The following EPHB2 variants were observed in gnomAD, a reference collection of about 807,000 sequenced individuals.
EPHB2 encodes ephrin type-B receptor 2.
EPHB2 carries 18 observed loss-of-function variants against 96.4 expected under a neutral mutation model. The ratio of observed to expected loss-of-function variants is 0.19; its 90% CI spans 0.13 to 0.28. EPHB2 has a LOEUF of 0.28. Among genes scored for constraint, EPHB2 ranks in the 10% least tolerant of loss-of-function variants. The probability of loss-of-function intolerance (pLI) is 1.00; values close to 1 mark genes in which losing one functional copy is unlikely to be tolerated. For missense variants in EPHB2, 989 were observed against 1,355.4 expected (o/e 0.73, Z 4.25); for synonymous variants, 506 against 534.1 (o/e 0.95, Z 0.72).
intron 1 of EPHB2, among the ~76,000 whole-genome samples, chr1:22,745,355 A>G (rs1377561672): frequency 6.6e-6 from 1 of 152,182 alleles, no homozygotes; most frequent in Non-Finnish European, 1.5e-5. Flanking sequence ...AACAATACAT[A>G]CCCGACTGGT....
intron 1 of EPHB2, among the ~76,000 whole-genome samples, chr1:22,744,444 T>C (rs1247020059): frequency 2.0e-5 from 3 of 148,768 alleles, no homozygotes; most frequent in Non-Finnish European, 3.0e-5. Context: ...TATATATATG[T>C]TATATATTTT....
At chr1:22,911,174 ATAAATAAT>A (rs1166114768) in intron 14 of EPHB2, among the ~76,000 whole-genome samples, 12 of 151,482 alleles carry the variant, frequency 7.9e-5, no homozygotes, top group African/African-American at 2.9e-4. Context: ...AAATAAATAA[ATAAATAAT>A]TACCAAAGGA....
rs1346182339 is a variant in EPHB2 at position 22,790,048 on chromosome 1, G to A, written c.811+4972G>A. Among the ~76,000 whole-genome samples, 1 of 152,074 alleles carries A rather than the reference G, an allele frequency of 6.6e-6. No individual in the cohort carries two copies. Among genetic ancestry groups the A allele is most frequent in the Non-Finnish European group, 1.5e-5 (1 of 68,006 alleles). Reference sequence around the variant, plus strand: ...CAGGCAAAGTGCTTTGAGAATATGAGGAAAAAGCCATCTTGTATGACTGGG... The same window carrying A: ...CAGGCAAAGTGCTTTGAGAATATGAAGAAAAAGCCATCTTGTATGACTGGG... On this transcript the variant is annotated intron_variant, in intron 3 of 15. Coordinates refer to ENST00000374630, the MANE Select transcript of EPHB2 (RefSeq NM_017449.5). The surrounding 1 kb of genome is among the most constrained non-coding windows in gnomAD (Gnocchi z 4.0).
chr1:22,878,588 C>T (rs1638922482), intron 5 of EPHB2, among the ~76,000 whole-genome samples: 1 of 152,270 alleles, frequency 6.6e-6, no homozygotes, highest in African/African-American at 2.4e-5. Context: ...CCACTCAGAC[C>T]TTCACATGCA....
chr1:22,731,511 T>C (rs961469966), intron 1 of EPHB2, among the ~76,000 whole-genome samples: 1 of 152,160 alleles, frequency 6.6e-6, no homozygotes, highest in African/African-American at 2.4e-5. Flanking sequence ...GTCCTTACCT[T>C]AGTAGGTGGC....
At chr1:22,753,154 T>C (rs977590446) in intron 1 of EPHB2, among the ~76,000 whole-genome samples, 1 of 152,088 alleles carries the variant, frequency 6.6e-6, no homozygotes, top group Non-Finnish European at 1.5e-5. Flanking sequence ...TTAGGCATTG[T>C]GGTATGGAAG....
At position 22,912,519 on chromosome 1, in the gene EPHB2, C is replaced by CA; in HGVS notation, c.2773dup (p.Ile925AsnfsTer19). On this transcript the variant is annotated frameshift_variant, in exon 15 of 16. Transcript: ENST00000374630. LOFTEE classifies it high-confidence loss of function. The stretch of plus-strand genomic sequence containing the variant: ...ACACGGTGGACGAGTGGCTGGAGGC[C>CA]ATCAAGATGGGGCAGTACAAGGAGA... The CA allele has an allele frequency of 6.2e-7, 1 of 1,614,144 alleles. No individual in the cohort carries two copies. Among genetic ancestry groups the CA allele is most frequent in the Non-Finnish European group, 8.5e-7 (1 of 1,180,034 alleles).
intron 1 of EPHB2, among the ~76,000 whole-genome samples, chr1:22,727,708 A>G (rs1643612041): frequency 1.3e-5 from 2 of 149,160 alleles, no homozygotes; most frequent in Non-Finnish European, 3.0e-5. Context: ...TCCCTTTTCT[A>G]GCTGTGGAGG....
chr1:22,785,847 A>C (rs1279571294), intron 3 of EPHB2, among the ~76,000 whole-genome samples: 1 of 152,232 alleles, frequency 6.6e-6, no homozygotes. Context: ...GACTTAATTC[A>C]TTTAATCCTC....
Position 22,921,424 on chromosome 1 carries a change from G to C in EPHB2, c.*7854G>C, listed in dbSNP as rs906661380. On this transcript the variant is annotated 3_prime_UTR_variant, in exon 16 of 16. Transcript: ENST00000374630. ...TGTGTCCAAGATCAACCCTGACCCT[G>C]TTACTCCAATGCCTTTGTAGGAGTA... 6.6e-6 allele frequency: 1 copy of C among 152,206 alleles called. No homozygotes were observed. Among genetic ancestry groups the C allele is most frequent in the Non-Finnish European group, 1.5e-5 (1 of 68,034 alleles). The allele number at this position is 152,206 out of a possible 1,614,324, so 9.4% of individuals were successfully genotyped here.
chr1:22,747,903 A>G (rs1397930661), intron 1 of EPHB2, among the ~76,000 whole-genome samples: 1 of 152,230 alleles, frequency 6.6e-6, no homozygotes, highest in Non-Finnish European at 1.5e-5. Context: ...TCTGTGCCTC[A>G]GTTACTTCAT....
intron 1 of EPHB2, among the ~76,000 whole-genome samples, chr1:22,756,660 G>A (rs1303721984): frequency 1.3e-5 from 2 of 152,090 alleles, no homozygotes; most frequent in Non-Finnish European, 2.9e-5. Flanking sequence ...CCATGGACCT[G>A]CGCTGACCCC....
intron 3 of EPHB2, among the ~76,000 whole-genome samples, chr1:22,794,686 G>A (rs1644742522): frequency 6.6e-6 from 1 of 152,114 alleles, no homozygotes; most frequent in Non-Finnish European, 1.5e-5. Context: ...GGAAATTGAG[G>A]GGAAAAGTCC....
chr1:22,804,019 A>T (rs1644888558), intron 3 of EPHB2, among the ~76,000 whole-genome samples: 1 of 152,138 alleles, frequency 6.6e-6, no homozygotes, highest in African/African-American at 2.4e-5. Context: ...CACATTCCAT[A>T]CACATCTTCA....
intron 1 of EPHB2, among the ~76,000 whole-genome samples, chr1:22,720,691 C>T (rs934792485): frequency 4.8e-5 from 7 of 146,338 alleles, no homozygotes; most frequent in Non-Finnish European, 6.0e-5. Flanking sequence ...CACTTACCCC[C>T]GAATTGTCTT....
chr1:22,760,252 G>T (rs1431497100), intron 1 of EPHB2, among the ~76,000 whole-genome samples: 2 of 152,072 alleles, frequency 1.3e-5, no homozygotes, highest in Non-Finnish European at 2.9e-5. Context: ...GAGGCTCACA[G>T]AAAATGGGGC....
At chr1:22,876,539 C>T (rs1163538232) in intron 5 of EPHB2, among the ~76,000 whole-genome samples, 6 of 152,174 alleles carry the variant, frequency 3.9e-5, no homozygotes, top group Admixed American at 6.5e-5. Flanking sequence ...CCCGCCTGGC[C>T]GGCCTCCCCC....
In EPHB2 at chr1:22,913,960, G is replaced by A. The variant is rs1039875618; in HGVS notation, c.*390G>A. 1.2e-5 allele frequency: 18 copies of A among 1,445,068 alleles called. No homozygotes were observed. Among genetic ancestry groups the A allele is most frequent in the Non-Finnish European group, 1.6e-5 (17 of 1,091,894 alleles). 89.5% of individuals were successfully genotyped at this position (1,445,068 alleles called of 1,614,324 possible). A position where few individuals can be genotyped will look rare whatever the true frequency, so the allele number is the denominator to read the frequency against. ...CCTCTGGGAAGGTGACCTGGCCAGA[G>A]CCAAGAAACACTTTCAGAAAAACAA... On this transcript the variant is annotated 3_prime_UTR_variant, in exon 16 of 16. Transcript: ENST00000374630. This position sits in a 1 kb window ranked among gnomAD's most constrained non-coding sequence, Gnocchi z 4.1.
Position 22,846,401 on chromosome 1 carries a change from G to A in EPHB2, c.812-16636G>A, listed in dbSNP as rs1324004940. On this transcript the variant is annotated intron_variant, in intron 3 of 15. Coordinates refer to ENST00000374630, the MANE Select transcript of EPHB2 (RefSeq NM_017449.5). The surrounding 1 kb of genome is among the most constrained non-coding windows in gnomAD (Gnocchi z 4.3). Reference sequence around the variant, plus strand: ...ACTGCACTCCAGCCTGGGCCACAGAGTGAGAGTGAGACTCTGTCTCAAAAA... The same window carrying A: ...ACTGCACTCCAGCCTGGGCCACAGAATGAGAGTGAGACTCTGTCTCAAAAA... Among the ~76,000 whole-genome samples, 2 of 148,818 alleles carry A rather than the reference G, an allele frequency of 1.3e-5. No individual in the cohort carries two copies. The highest frequency in any genetic ancestry group is 2.5e-5 in the African/African-American group (1 of 40,410).
Sources: allele counts gnomAD v4.1 joint callset (sites outside exome capture counted in the v4.1 genomes callset), GRCh38; gene constraint gnomAD v4.1.1; non-coding constraint Gnocchi (gnomAD v3.1); transcripts MANE v1.5; gene names NCBI Gene and HGNC (gene_info 2026-07-23, HGNC 2026-07-21).